Variants in MGAT3 observed in about 807,000 individuals in gnomAD.
MGAT3 encodes the protein beta-1,4-mannosyl-glycoprotein 4-beta-N-acetylglucosaminyltransferase, also known as GlcNAc-T III.
A neutral mutation model predicts 29.8 loss-of-function variants in MGAT3; 9 were observed. The observed-to-expected ratio is 0.30, with a 90% CI of 0.18 to 0.53. The LOEUF (loss-of-function observed/expected upper bound fraction) is 0.53. Among genes scored for constraint, MGAT3 ranks in the 20% least tolerant of loss-of-function variants. The pLI, the probability that MGAT3 is intolerant of heterozygous loss-of-function variation, is 0.96. For synonymous variants in MGAT3, 397 were observed against 348.9 expected (o/e 1.14, Z -1.54); for missense variants, 557 against 769.5 (o/e 0.72, Z 3.27).
chr22:39,488,378 T>C lies in MGAT3; in HGVS notation c.1031T>C (p.Met344Thr), dbSNP rs1468939488. The stretch of plus-strand genomic sequence containing the variant: ...TGGACCGAGCCCTTCGCCTTCCACA[T>C]GCGCAAGTCGCTCTACGGCTTCTTC... ...DGWTEPFAFH[M>T]RKSLYGFFWK... Residue 344 changes from methionine (M) to threonine (T), a missense_variant, in exon 2 of 2, where the codon ATG becomes ACG. This residue lies in a region of MGAT3 where 243 missense variants were observed against 444.0 expected (regional missense o/e 0.55). Transcript: ENST00000341184. 6.2e-7 allele frequency: 1 copy of C among 1,612,962 alleles called. No individual in the cohort carries two copies.
At chr22:39,459,466 T>G (rs1440530227) in intron 1 of MGAT3, among the ~76,000 whole-genome samples, 1 of 151,982 alleles carries the variant, frequency 6.6e-6, no homozygotes, top group Non-Finnish European at 1.5e-5. Flanking sequence ...GGAGGTTTTG[T>G]TTTTGTTTTT....
In MGAT3 at chr22:39,490,809, G is replaced by A. The variant is rs1221638460; in HGVS notation, c.*1860G>A. ...GTAAATACATGCTTGTGTATGGATG[G>A]AAGAGGCCAGGCCCAGGCCTGGCCT... On this transcript the variant is annotated 3_prime_UTR_variant, in exon 2 of 2. Coordinates refer to ENST00000341184, the MANE Select transcript of MGAT3 (RefSeq NM_002409.5). The A allele has an allele frequency of 1.2e-5, 2 of 166,486 alleles. No homozygotes were observed. The highest frequency in any genetic ancestry group is 2.9e-5 in the Non-Finnish European group (2 of 67,964). The allele number at this position is 166,486 out of a possible 1,614,324, so 10.3% of individuals were successfully genotyped here. A position where few individuals can be genotyped will look rare whatever the true frequency, so the allele number is the denominator to read the frequency against.
chr22:39,469,413 A>G (rs1928745841), intron 1 of MGAT3, among the ~76,000 whole-genome samples: 3 of 152,182 alleles, frequency 2.0e-5, no homozygotes, highest in Non-Finnish European at 1.5e-5. Context: ...TGCCCAGCCC[A>G]GATCATTCCT....
chr22:39,459,056 T>A (rs1337606919), intron 1 of MGAT3, among the ~76,000 whole-genome samples: 1 of 40,114 alleles, frequency 2.5e-5, no homozygotes, highest in Non-Finnish European at 4.1e-5. Context: ...GATTCCTTTT[T>A]CTTTTCTTTT....
chr22:39,469,120 G>A (rs1370984175), intron 1 of MGAT3, among the ~76,000 whole-genome samples: 1 of 149,506 alleles, frequency 6.7e-6, no homozygotes, highest in African/African-American at 2.5e-5. Flanking sequence ...GGTGGTGTGG[G>A]GAGGGGCCCA....
intron 1 of MGAT3, among the ~76,000 whole-genome samples, chr22:39,459,067 CT>C (rs1928424218): frequency 5.1e-5 from 2 of 39,168 alleles, no homozygotes; most frequent in African/African-American, 1.2e-4. Flanking sequence ...CTTTTCTTTT[CT>C]TTTCTTTTTT....
chr22:39,483,625 C>T (rs980545761), intron 1 of MGAT3, among the ~76,000 whole-genome samples: 2 of 152,194 alleles, frequency 1.3e-5, no homozygotes, highest in African/African-American at 4.8e-5. Flanking sequence ...TGCAGTATTG[C>T]CTTGTGTCTG....
intron 1 of MGAT3, among the ~76,000 whole-genome samples, chr22:39,471,934 C>A (rs1408090392): frequency 2.0e-5 from 3 of 152,124 alleles, no homozygotes; most frequent in Admixed American, 1.3e-4. Flanking sequence ...GGGCAGCCCC[C>A]CAGGGAAGGC....
intron 1 of MGAT3, among the ~76,000 whole-genome samples, chr22:39,485,340 ATGGGGTTTGG>A: frequency 6.6e-6 from 1 of 152,234 alleles, no homozygotes; most frequent in Non-Finnish European, 1.5e-5. Flanking sequence ...CAAATCCAGC[ATGGGGTTTGG>A]CTGATGGTGA....
chr22:39,473,887 T>G (rs560308024), intron 1 of MGAT3, among the ~76,000 whole-genome samples: 155 of 152,004 alleles, frequency 1.0e-3, no homozygotes, highest in African/African-American at 3.5e-3. Flanking sequence ...AGGGGGCAGA[T>G]GGATGTGGAG....
intron 1 of MGAT3, among the ~76,000 whole-genome samples, chr22:39,459,721 A>G (rs1928444885): frequency 6.6e-6 from 1 of 152,228 alleles, no homozygotes; most frequent in African/African-American, 2.4e-5. Context: ...TCCTGCCTCT[A>G]TGTCCCAAAG....
intron 1 of MGAT3, among the ~76,000 whole-genome samples, chr22:39,463,793 A>G (rs1054249303): frequency 1.3e-5 from 2 of 151,956 alleles, no homozygotes; most frequent in African/African-American, 2.4e-5. Context: ...GCAAACGCCT[A>G]TAGCCTCATC....
chr22:39,469,592 C>T (rs1389870223), intron 1 of MGAT3, among the ~76,000 whole-genome samples: 2 of 152,204 alleles, frequency 1.3e-5, no homozygotes, highest in African/African-American at 2.4e-5. Flanking sequence ...CCACCTGGTG[C>T]ATGAGAGCCT....
rs558795136 is a variant in MGAT3, at chr22:39,485,816, C to A, written c.-1-1531C>A. Among the ~76,000 whole-genome samples the A allele has an allele frequency of 1.3e-3, 202 of 151,924 alleles. 2 individuals are homozygous for A. The highest frequency in any genetic ancestry group is 4.4e-3 in the African/African-American group (184 of 41,436). ...AAACAAACAAACAAACAAAAACACACAAAAAAAATTTAAATTGGAGAATGA... is the reference window on the plus strand; with the variant it reads ...AAACAAACAAACAAACAAAAACACAAAAAAAAAATTTAAATTGGAGAATGA... On this transcript the variant is annotated intron_variant, in intron 1 of 1. Coordinates refer to ENST00000341184, the MANE Select transcript of MGAT3 (RefSeq NM_002409.5).
At chr22:39,486,693 G>T (rs1051235080) in intron 1 of MGAT3, among the ~76,000 whole-genome samples, 1 of 151,850 alleles carries the variant, frequency 6.6e-6, no homozygotes, top group Non-Finnish European at 1.5e-5. Flanking sequence ...TAGAGATGGG[G>T]TCTCACTATG....
chr22:39,487,330 C>A lies in MGAT3; in HGVS notation c.-1-17C>A. The A allele has an allele frequency of 6.3e-7, 1 of 1,594,756 alleles. No individual in the cohort carries two copies. Among genetic ancestry groups the A allele is most frequent in the Non-Finnish European group, 8.5e-7 (1 of 1,170,710 alleles). On this transcript the variant is annotated splice_polypyrimidine_tract_variant and intron_variant, in intron 1 of 1. Transcript: ENST00000341184. This position sits in a 1 kb window ranked among gnomAD's most constrained non-coding sequence, Gnocchi z 5.7. ...TGGGCTGCCCTGATGAGTCTCCTGT[C>A]TCTCTCTCTCCCGCAGGATGAAGAT...
chr22:39,473,754 G>A (rs1231040742), intron 1 of MGAT3, among the ~76,000 whole-genome samples: 2 of 147,542 alleles, frequency 1.4e-5, no homozygotes, highest in South Asian at 2.1e-4. Flanking sequence ...GGGACCCCTC[G>A]CTTGCTTGTC....
chr22:39,468,142 A>G (rs549228706), intron 1 of MGAT3, among the ~76,000 whole-genome samples: 10 of 152,160 alleles, frequency 6.6e-5, no homozygotes, highest in Non-Finnish European at 1.3e-4. Context: ...CTGGGTGCCC[A>G]GAGCCCCAGC....
chr22:39,482,082 T>C (rs970147210), intron 1 of MGAT3, among the ~76,000 whole-genome samples: 2 of 151,706 alleles, frequency 1.3e-5, no homozygotes, highest in African/African-American at 4.8e-5. Flanking sequence ...GCTTCCCAAG[T>C]AGCTAGAACT....
Sources: gnomAD v4.1 joint callset for allele counts (sites outside exome capture counted in the v4.1 genomes callset) on GRCh38, gnomAD v4.1.1 for gene constraint, gnomAD v4.1.1 regional missense constraint, Gnocchi (gnomAD v3.1) non-coding constraint, MANE v1.5 for transcripts, NCBI Gene and HGNC (gene_info 2026-07-23, HGNC 2026-07-21) for gene names.